The following OPRD1 variants were observed in gnomAD, a reference collection of about 807,000 sequenced individuals.
The protein encoded by OPRD1 is opioid receptor delta 1.
A neutral mutation model predicts 17.5 loss-of-function variants in OPRD1; 19 were observed. That is an observed-to-expected ratio of 1.09 (90% CI 0.76 to 1.60). The LOEUF (loss-of-function observed/expected upper bound fraction) is 1.60. OPRD1 is among the 40% of genes most tolerant of loss of function. The pLI is 0.00. For synonymous variants in OPRD1, 256 were observed against 240.9 expected (o/e 1.06, Z -0.58); for missense variants, 483 against 547.2 (o/e 0.88, Z 1.17).
intron 1 of OPRD1, among the ~76,000 whole-genome samples, chr1:28,831,845 T>G (rs809992): frequency 0.46 from 69,917 of 152,094 alleles, 18,054 homozygotes; most frequent in East Asian, 0.81. Context: ...GCTGACCTTT[T>G]TTGGATGCTG....
chr1:28,856,660 C>A (rs1267379153), intron 1 of OPRD1, among the ~76,000 whole-genome samples: 1 of 152,218 alleles, frequency 6.6e-6, no homozygotes, highest in African/African-American at 2.4e-5. Context: ...CAGTCTCCCC[C>A]AGGCTACCTG....
intron 1 of OPRD1, among the ~76,000 whole-genome samples, chr1:28,835,983 G>C (rs1037198131): frequency 6.6e-6 from 1 of 152,184 alleles, no homozygotes. Flanking sequence ...CTGCCACTTA[G>C]GAGGGAGACT....
rs988957 is a variant in OPRD1, at chr1:28,865,626, G to T, written c.*2343G>T. On this transcript the variant is annotated 3_prime_UTR_variant, in exon 3 of 3. Transcript: ENST00000234961. ...CTACCCCGGGTCCTGGAAAGATGTG[G>T]GGCCATGCCCAGCACTCACATCCAG... The T allele has an allele frequency of 0.52, 78,306 of 152,014 alleles. 21,462 individuals carry two copies. Among genetic ancestry groups the T allele is most frequent in the East Asian group, 0.78 (4,035 of 5,142 alleles). 9.4% of individuals were successfully genotyped at this position (152,014 alleles called of 1,614,324 possible).
chr1:28,851,850 C>T (rs1161581364), intron 1 of OPRD1, among the ~76,000 whole-genome samples: 3 of 118,858 alleles, frequency 2.5e-5, no homozygotes, highest in African/African-American at 6.6e-5. Context: ...AGAGAAACTC[C>T]GTCTCAAAAA....
intron 1 of OPRD1, among the ~76,000 whole-genome samples, chr1:28,847,752 GC>G (rs2088966287): frequency 6.6e-6 from 1 of 152,034 alleles, no homozygotes; most frequent in South Asian, 2.1e-4. Context: ...GATCGCTTGA[GC>G]CCAGAAGGCC....
chr1:28,853,707 T>G (rs1207253517), intron 1 of OPRD1, among the ~76,000 whole-genome samples: 1 of 152,066 alleles, frequency 6.6e-6, no homozygotes, highest in Non-Finnish European at 1.5e-5. Flanking sequence ...TTTTACACTA[T>G]GTAATTGTGT....
chr1:28,862,773 C>A lies in OPRD1; in HGVS notation c.609C>A (p.Pro203=). The A allele has an allele frequency of 1.2e-6, 2 of 1,612,388 alleles. No individual in the cohort carries two copies. Among genetic ancestry groups the A allele is most frequent in the African/African-American group, 2.7e-5 (2 of 75,070 alleles). Residue 203 remains proline, a synonymous_variant, in exon 3 of 3, where the codon CCC becomes CCA. Transcript: ENST00000234961. The part of the protein sequence containing the change: ...DGAVVCMLQF[P]SPSWYWDTVT... Reference sequence around the variant, plus strand: ...CAGTGGTGTGCATGCTCCAGTTCCCCAGCCCCAGCTGGTACTGGGACACGG... The same window carrying A: ...CAGTGGTGTGCATGCTCCAGTTCCCAAGCCCCAGCTGGTACTGGGACACGG...
At chr1:28,834,918 T>C (rs2088837778) in intron 1 of OPRD1, among the ~76,000 whole-genome samples, 1 of 152,140 alleles carries the variant, frequency 6.6e-6, no homozygotes, top group Non-Finnish European at 1.5e-5. Context: ...AACCCTCCTC[T>C]ATGTTCCCAC....
At chr1:28,813,511 G>A (rs1311698874) in intron 1 of OPRD1, among the ~76,000 whole-genome samples, 3 of 152,136 alleles carry the variant, frequency 2.0e-5, no homozygotes, top group Non-Finnish European at 4.4e-5. Flanking sequence ...TTCATCCCAG[G>A]AAGTGAGGTG....
At chr1:28,858,866 C>A in intron 1 of OPRD1, 88 bp from the exon 2 acceptor site, 2 of 1,312,512 alleles carry the variant, frequency 1.5e-6, no homozygotes, top group Non-Finnish European at 2.1e-6. Flanking sequence ...TTTTGCATGT[C>A]CTTAGGAAAG....
At chr1:28,858,335 C>T (rs1317476456) in intron 1 of OPRD1, among the ~76,000 whole-genome samples, 4 of 150,776 alleles carry the variant, frequency 2.7e-5, no homozygotes, top group Non-Finnish European at 5.9e-5. Context: ...AGGATGGTCT[C>T]GATCTCCTGA....
intron 2 of OPRD1, among the ~76,000 whole-genome samples, chr1:28,860,688 T>A (rs890313585): frequency 6.6e-6 from 1 of 152,154 alleles, no homozygotes; most frequent in Non-Finnish European, 1.5e-5. Context: ...GTCAGGTGGT[T>A]TACTTAGGGT....
In OPRD1 at chr1:28,869,565, A is replaced by G; in HGVS notation, c.*6282A>G. 1 of 152,464 alleles carries G rather than the reference A, an allele frequency of 6.6e-6. No homozygotes were observed. The highest frequency in any genetic ancestry group is 1.5e-5 in the Non-Finnish European group (1 of 68,178). The allele number at this position is 152,464 out of a possible 1,614,324, so 9.4% of individuals were successfully genotyped here. ...ATGATGATGAGGTAGGCATAGTATCATTACCTCCATTTTACAGATGGGGAA... is the reference window on the plus strand; with the variant it reads ...ATGATGATGAGGTAGGCATAGTATCGTTACCTCCATTTTACAGATGGGGAA... On this transcript the variant is annotated 3_prime_UTR_variant, in exon 3 of 3. Transcript: ENST00000234961.
rs763124185 is a variant in OPRD1, at chr1:28,848,109, G to A, written c.228-10845G>A. 9.2e-5 allele frequency among the ~76,000 whole-genome samples: 14 copies of A among 152,054 alleles called. No homozygotes were observed. The South Asian group carries it at 1.3e-3, about 14-fold the overall frequency. The stretch of plus-strand genomic sequence containing the variant: ...CTAAAAATACAAAAATTAGCCGGGC[G>A]GGATGGCGGGTACCTGTAATCCCAA... On this transcript the variant is annotated intron_variant, in intron 1 of 2. Transcript: ENST00000234961.
chr1:28,842,037 A>G (rs781134152), intron 1 of OPRD1, among the ~76,000 whole-genome samples: 2 of 146,582 alleles, frequency 1.4e-5, no homozygotes, highest in Non-Finnish European at 3.0e-5. Flanking sequence ...TTTTATTTTT[A>G]TTTTTATTTT....
Position 28,863,429 on chromosome 1 carries a change from G to C in OPRD1, c.*146G>C, listed in dbSNP as rs1350656986. 4 of 952,938 alleles carry C rather than the reference G, an allele frequency of 4.2e-6. No individual in the cohort carries two copies. Among genetic ancestry groups the C allele is most frequent in the Non-Finnish European group, 5.8e-6 (4 of 689,168 alleles). The allele number at this position is 952,938 out of a possible 1,614,324, so 59.0% of individuals were successfully genotyped here. On this transcript the variant is annotated 3_prime_UTR_variant, in exon 3 of 3. Coordinates refer to ENST00000234961, the MANE Select transcript of OPRD1 (RefSeq NM_000911.4). The stretch of plus-strand genomic sequence containing the variant: ...CAGATGGGGCCTCTGTTTCGGAGAC[G>C]GGACCGGGCCGCTAGATGGGCATGG...
Position 28,867,122 on chromosome 1 carries a change from C to T in OPRD1, c.*3839C>T, listed in dbSNP as rs1189401209. On this transcript the variant is annotated 3_prime_UTR_variant, in exon 3 of 3. Coordinates refer to ENST00000234961, the MANE Select transcript of OPRD1 (RefSeq NM_000911.4). ...TCCTGGGCTCAAGTGATCTTCCCAC[C>T]TCAGCCTCCTGAGAATCTGGGACGA... is the stretch of plus-strand genomic sequence containing the variant. 6.6e-6 allele frequency: 1 copy of T among 152,044 alleles called. No homozygotes were observed. Among genetic ancestry groups the T allele is most frequent in the African/African-American group, 2.4e-5 (1 of 41,396 alleles). The allele number at this position is 152,044 out of a possible 1,614,324, so 9.4% of individuals were successfully genotyped here. A position where few individuals can be genotyped will look rare whatever the true frequency, so the allele number is the denominator to read the frequency against.
intron 1 of OPRD1, among the ~76,000 whole-genome samples, chr1:28,852,806 C>T (rs909360629): frequency 3.9e-5 from 6 of 152,046 alleles, no homozygotes; most frequent in Non-Finnish European, 8.8e-5. Context: ...CAACCTCTGC[C>T]TTCCTGGGTG....
intron 1 of OPRD1, among the ~76,000 whole-genome samples, chr1:28,826,900 T>G (rs1298625743): frequency 6.6e-6 from 1 of 152,258 alleles, no homozygotes; most frequent in Non-Finnish European, 1.5e-5. Context: ...TCAAATCCTA[T>G]TGCTGCTTTA....
Sources: gnomAD v4.1 joint callset for allele counts (sites outside exome capture counted in the v4.1 genomes callset) on GRCh38, gnomAD v4.1.1 for gene constraint, MANE v1.5 for transcripts, NCBI Gene and HGNC (gene_info 2026-07-23, HGNC 2026-07-21) for gene names.